The following DLC1 variants were observed in gnomAD, a reference collection of about 807,000 sequenced individuals.
DLC1 encodes the protein rho GTPase-activating protein 7.
DLC1 carries 54 observed loss-of-function variants against 140.3 expected under a neutral mutation model. That is an observed-to-expected ratio of 0.38 (90% confidence interval 0.31 to 0.48). The LOEUF is 0.48. DLC1 is among the 20% of genes least tolerant of loss of function. The pLI is 0.96. For synonymous variants in DLC1, 986 were observed against 728.1 expected (o/e 1.35, Z -5.70); for missense variants, 2,536 against 1,907.0 (o/e 1.33, Z -6.14).
intron 1 of DLC1, among the ~76,000 whole-genome samples, chr8:13,527,696 A>G (rs1802962839): frequency 6.6e-6 from 1 of 152,076 alleles, no homozygotes; most frequent in Admixed American, 6.6e-5. Context: ...TGAATATTAT[A>G]TTTTCCTGTA....
chr8:13,400,310 T>A (rs1319533795), intron 3 of DLC1, among the ~76,000 whole-genome samples: 2 of 152,178 alleles, frequency 1.3e-5, no homozygotes, highest in Non-Finnish European at 2.9e-5. Flanking sequence ...ATACATTTTT[T>A]CATTTATGCC....
intron 1 of DLC1, among the ~76,000 whole-genome samples, chr8:13,587,250 G>T (rs762720337): frequency 6.6e-6 from 1 of 151,352 alleles, no homozygotes; most frequent in Non-Finnish European, 1.5e-5. Context: ...TGATTATTCT[G>T]TCTTTTAAAG....
intron 1 of DLC1, among the ~76,000 whole-genome samples, chr8:13,568,894 G>C (rs1372437660): frequency 6.6e-6 from 1 of 152,182 alleles, no homozygotes; most frequent in African/African-American, 2.4e-5. Flanking sequence ...AAAAATGTAA[G>C]TAAATAATGA....
intron 5 of DLC1, among the ~76,000 whole-genome samples, chr8:13,167,653 A>G (rs1178267353): frequency 6.6e-6 from 1 of 152,152 alleles, no homozygotes; most frequent in Non-Finnish European, 1.5e-5. Context: ...TAATTTGCAT[A>G]TTGGATGGAT....
At chr8:13,442,081 C>G (rs1275581843) in intron 2 of DLC1, among the ~76,000 whole-genome samples, 2 of 152,184 alleles carry the variant, frequency 1.3e-5, no homozygotes, top group South Asian at 2.1e-4. Context: ...TTTGACAAAC[C>G]TGAGAAAAAC....
intron 2 of DLC1, among the ~76,000 whole-genome samples, chr8:13,477,746 C>T (rs901196385): frequency 6.6e-6 from 1 of 152,008 alleles, no homozygotes; most frequent in Non-Finnish European, 1.5e-5. Context: ...AATGAAGACA[C>T]ATAAATAATA....
At chr8:13,313,381 A>G (rs1832755384) in intron 4 of DLC1, among the ~76,000 whole-genome samples, 1 of 152,232 alleles carries the variant, frequency 6.6e-6, no homozygotes, top group African/African-American at 2.4e-5. Flanking sequence ...AGACTGAAAC[A>G]AAAAATTAGA....
intron 3 of DLC1, among the ~76,000 whole-genome samples, chr8:13,399,528 G>A (rs1168374994): frequency 6.6e-6 from 1 of 152,142 alleles, no homozygotes; most frequent in African/African-American, 2.4e-5. Flanking sequence ...TAAATACTTA[G>A]TCTTGATCTG....
At chr8:13,252,275 T>C (rs192743363) in intron 5 of DLC1, among the ~76,000 whole-genome samples, 79 of 152,270 alleles carry the variant, frequency 5.2e-4, no homozygotes, top group African/African-American at 1.7e-3. Flanking sequence ...ATTATCTCAG[T>C]AGTCTCCAGT....
chr8:13,362,758 T>TC (rs1232877560), intron 4 of DLC1, among the ~76,000 whole-genome samples: 1 of 152,158 alleles, frequency 6.6e-6, no homozygotes, highest in Non-Finnish European at 1.5e-5. Context: ...ACTGGCCCCT[T>TC]CCCGTTCTCT....
At chr8:13,578,925 T>A (rs887692954) in intron 1 of DLC1, among the ~76,000 whole-genome samples, 1 of 151,750 alleles carries the variant, frequency 6.6e-6, no homozygotes, top group Admixed American at 6.6e-5. Flanking sequence ...CCTACTCCCC[T>A]CCCCAGAGGT....
chr8:13,262,359 A>G (rs1462821767), intron 5 of DLC1, among the ~76,000 whole-genome samples: 2 of 152,142 alleles, frequency 1.3e-5, no homozygotes, highest in Admixed American at 1.3e-4. Context: ...AGGAAAATTG[A>G]TAATCACGTG....
intron 1 of DLC1, among the ~76,000 whole-genome samples, chr8:13,508,623 T>A (rs1802218680): frequency 6.6e-6 from 1 of 152,096 alleles, no homozygotes; most frequent in Non-Finnish European, 1.5e-5. Flanking sequence ...TTTCACTGTG[T>A]TAGCCAGGAT....
chr8:13,098,358 A>G lies in DLC1; in HGVS notation c.3167+41T>C, dbSNP rs1450654856. ...CAACCTCAAGGAACTGACCAAAAAT[A>G]TCATTTTCAACGACAGTTGACTGAT... On this transcript the variant is annotated intron_variant, in intron 10 of 17. Coordinates refer to ENST00000276297, the MANE Select transcript of DLC1 (RefSeq NM_182643.3). The G allele has an allele frequency of 1.9e-6, 3 of 1,607,122 alleles. No individual in the cohort carries two copies. In the Admixed American group the frequency reaches 5.0e-5, roughly 27 times the overall value.
Position 13,501,245 on chromosome 8 carries a change from T to G in DLC1, c.-125-1049A>C, listed in dbSNP as rs372169720. Among the ~76,000 whole-genome samples the G allele has an allele frequency of 1.8e-3, 273 of 152,276 alleles. 1 individual carries two copies. Among genetic ancestry groups the G allele is most frequent in the African/African-American group, 6.3e-3 (262 of 41,558 alleles). On this transcript the variant is annotated intron_variant, in intron 1 of 17. Transcript: ENST00000276297. ...AAAATTTAAGTAAACAAGAAAATCA[T>G]GCATAAGACAAGCTTAGAATACAAA...
At chr8:13,333,723 A>C (rs1833697847) in intron 4 of DLC1, among the ~76,000 whole-genome samples, 1 of 152,244 alleles carries the variant, frequency 6.6e-6, no homozygotes, top group African/African-American at 2.4e-5. Flanking sequence ...AACTCAAACT[A>C]AATGGGTTCC....
At chr8:13,139,713 G>A (rs1050296506) in intron 5 of DLC1, among the ~76,000 whole-genome samples, 1 of 152,202 alleles carries the variant, frequency 6.6e-6, no homozygotes, top group African/African-American at 2.4e-5. Context: ...GAACCCAAAA[G>A]TTCTGGCTTC....
intron 4 of DLC1, among the ~76,000 whole-genome samples, chr8:13,367,044 C>T (rs570806275): frequency 6.6e-6 from 1 of 152,252 alleles, no homozygotes; most frequent in African/African-American, 2.4e-5. Context: ...TCCATGTCTC[C>T]CTGGAGGCTG....
At chr8:13,586,303 G>A (rs1012701998) in intron 1 of DLC1, among the ~76,000 whole-genome samples, 2 of 152,134 alleles carry the variant, frequency 1.3e-5, no homozygotes, top group Non-Finnish European at 2.9e-5. Context: ...GCCACCAGTA[G>A]TAGGAAAGAA....
Sources: gnomAD v4.1 joint callset for allele counts (sites outside exome capture counted in the v4.1 genomes callset) on GRCh38, gnomAD v4.1.1 for gene constraint, MANE v1.5 for transcripts, NCBI Gene and HGNC (gene_info 2026-07-23, HGNC 2026-07-21) for gene names.